OR5J2: variants seen among roughly 807,000 people sequenced by gnomAD.
OR5J2 encodes the protein olfactory receptor 5J2.
A neutral mutation model predicts 6.7 loss-of-function variants in OR5J2; 4 were observed. That is an observed-to-expected ratio of 0.60 (90% confidence interval 0.29 to 1.37). The LOEUF is 1.37. OR5J2 is among the 40% of genes most tolerant of loss of function. The pLI is 0.09. For synonymous variants in OR5J2, 174 were observed against 140.4 expected, an observed-to-expected ratio of 1.24 and a Z score of -1.69; for missense variants, 415 against 366.4, an observed-to-expected ratio of 1.13 and a Z score of -1.08.
chr11:56,176,686 A>G lies in OR5J2; in HGVS notation c.69A>G (p.Leu23=), dbSNP rs1229547753. 4 of 1,613,806 alleles carry G rather than the reference A, an allele frequency of 2.5e-6. No homozygotes were observed. In the Admixed American group the frequency reaches 5.0e-5, roughly 20 times the overall value. Residue 23 remains leucine, a synonymous_variant, in exon 1 of 1, where the codon CTA becomes CTG. Coordinates refer to ENST00000312298, the MANE Select transcript of OR5J2 (RefSeq NM_001005492.1). ...TGGGATTGACAGATCATGCTGAACT[A>G]AAAGCTGTGCTTTTTGTGGTGTTCC... ...ILLGLTDHAE[L]KAVLFVVFLV...
chr11:56,177,515 G>A lies in OR5J2; in HGVS notation c.898G>A (p.Ala300Thr). 15 of 1,607,032 alleles carry A rather than the reference G, an allele frequency of 9.3e-6. No homozygotes were observed. Among genetic ancestry groups the A allele is most frequent in the African/African-American group, 1.3e-5 (1 of 75,000 alleles). ...TTTGAGAAACAAGGACGTAAAGGAG[G>A]CAGTGAAAAGGGCCATAGAAATGAA... is the stretch of plus-strand genomic sequence containing the variant. ...HSLRNKDVKEAVKRAIEMKHF... is the reference protein window; with the variant it reads ...HSLRNKDVKETVKRAIEMKHF... The change falls in exon 1 of 1, where the codon GCA becomes ACA. Residue 300 changes from alanine to threonine, a missense_variant. Ala to Thr is a moderately conservative substitution (Grantham distance 58). Transcript: ENST00000312298.
Position 56,177,316 on chromosome 11 carries a change from C to A in OR5J2, c.699C>A (p.Gly233=). 1.2e-6 allele frequency: 2 copies of A among 1,613,944 alleles called. No individual in the cohort carries two copies. ...GCCTAAGGATCCACTCAGCATCAGG[C>A]AGACAGCAAGCCTTCTCCACCTGTG... The part of the protein sequence containing the change: ...FASLRIHSAS[G]RQQAFSTCAS... Residue 233 remains glycine, a synonymous_variant, in exon 1 of 1, where the codon GGC becomes GGA. Coordinates refer to ENST00000312298, the MANE Select transcript of OR5J2 (RefSeq NM_001005492.1).
rs1464694278 is a variant in OR5J2 at position 56,176,700 on chromosome 11, TTGTGG to T, written c.87_91del (p.Val30ProfsTer90). ...CATGCTGAACTAAAAGCTGTGCTTT[TTGTGG>T]TGTTCCTGGTGATTTACGCCATTAC... On this transcript the variant is annotated frameshift_variant, in exon 1 of 1. Coordinates refer to ENST00000312298, the MANE Select transcript of OR5J2 (RefSeq NM_001005492.1). LOFTEE classifies it low-confidence loss of function (END_TRUNC). 5.0e-6 allele frequency: 8 copies of T among 1,613,960 alleles called. No individual in the cohort carries two copies. The highest frequency in any genetic ancestry group is 1.7e-5 in the Admixed American group (1 of 59,980).
Position 56,177,393 on chromosome 11 carries a change from A to G in OR5J2, c.776A>G (p.Tyr259Cys). Residue 259 changes from tyrosine (Y) to cysteine (C), a missense_variant, in exon 1 of 1, where the codon TAC becomes TGC. Transcript: ENST00000312298. ...TIFYGTLIFS[Y>C]IQPSSQYFVE... The stretch of plus-strand genomic sequence containing the variant: ...TTCTATGGTACCTTAATCTTTAGCT[A>G]CATTCAGCCAAGCTCCCAGTATTTT... 1 of 1,614,096 alleles carries G rather than the reference A, an allele frequency of 6.2e-7. No homozygotes were observed. Among genetic ancestry groups the G allele is most frequent in the Non-Finnish European group, 8.5e-7 (1 of 1,179,986 alleles).
chr11:56,176,872 C>T lies in OR5J2; in HGVS notation c.255C>T (p.Leu85=), dbSNP rs866809600. ...TTGCACCCAAAATGCTGGTGAACCT[C>T]CTGGTTGTGAAGGCAACAATTTCTT... The part of the protein sequence containing the change: ...SAIAPKMLVN[L]LVVKATISFS... Residue 85 remains leucine (L), a synonymous_variant, in exon 1 of 1, where the codon CTC becomes CTT. Coordinates refer to ENST00000312298, the MANE Select transcript of OR5J2 (RefSeq NM_001005492.1). 29 of 1,613,998 alleles carry T rather than the reference C, an allele frequency of 1.8e-5. No individual in the cohort carries two copies. Among genetic ancestry groups the T allele is most frequent in the Non-Finnish European group, 2.4e-5 (28 of 1,180,016 alleles).
Position 56,176,872 on chromosome 11 carries a change from C to A in OR5J2, c.255C>A (p.Leu85=). ...TTGCACCCAAAATGCTGGTGAACCTCCTGGTTGTGAAGGCAACAATTTCTT... is the reference window on the plus strand; with the variant it reads ...TTGCACCCAAAATGCTGGTGAACCTACTGGTTGTGAAGGCAACAATTTCTT... The part of the protein sequence containing the change: ...SAIAPKMLVN[L]LVVKATISFS... The change falls in exon 1 of 1, where the codon CTC becomes CTA. Residue 85 remains leucine (L), a synonymous_variant. Transcript: ENST00000312298. 1 of 1,614,116 alleles carries A rather than the reference C, an allele frequency of 6.2e-7. No homozygotes were observed. The highest frequency in any genetic ancestry group is 1.6e-4 in the Middle Eastern group (1 of 6,062).
chr11:56,177,555 A>C lies in OR5J2; in HGVS notation c.938A>C (p.Ter313SerextTer?). 6.4e-7 allele frequency: 1 copy of C among 1,567,348 alleles called. No homozygotes were observed. Among genetic ancestry groups the C allele is most frequent in the Non-Finnish European group, 8.7e-7 (1 of 1,155,432 alleles). ...ATAGAAATGAAACATTTCCTCTGTT[A>C]ATTTCAAGTCACTATTAATCCTACA... is the stretch of plus-strand genomic sequence containing the variant. The part of the protein sequence containing the change: ...RAIEMKHFLC[*>S] Residue 313 changes from the stop codon to serine (S), a stop_lost, in exon 1 of 1, where the codon TAA becomes TCA. Transcript: ENST00000312298.
Position 56,177,239 on chromosome 11 carries a change from A to G in OR5J2, c.622A>G (p.Met208Val), listed in dbSNP as rs1188786557. The G allele has an allele frequency of 2.5e-6, 4 of 1,614,044 alleles. No individual in the cohort carries two copies. The South Asian group carries it at 4.4e-5, about 18-fold the overall frequency. Residue 208 changes from methionine (M) to valine (V), a missense_variant, in exon 1 of 1, where the codon ATG becomes GTG. By Grantham distance (21) the Met-to-Val change is conservative. Transcript: ENST00000312298. Reference sequence around the variant, plus strand: ...GTTAACCTTCTCCGGAGTCATTGCCATGGCCACCTTCTTGACTGTGATCAT... The same window carrying G: ...GTTAACCTTCTCCGGAGTCATTGCCGTGGCCACCTTCTTGACTGTGATCAT... ...LLLTFSGVIA[M>V]ATFLTVIISY...
chr11:56,176,716 GA>G lies in OR5J2; in HGVS notation c.100del (p.Ile34PhefsTer7), dbSNP rs769190118. 2.5e-4 allele frequency: 396 copies of G among 1,613,932 alleles called. 3 individuals are homozygous for G. The Admixed American group carries it at 6.5e-3, about 27-fold the overall frequency. ...KAVLFVVFLV[I>X]YAITLLRNLG... ...CTGTGCTTTTTGTGGTGTTCCTGGTGATTTACGCCATTACCTTGTTGAGGAA... is the reference window on the plus strand; with the variant it reads ...CTGTGCTTTTTGTGGTGTTCCTGGTGTTTACGCCATTACCTTGTTGAGGAA... On this transcript the variant is annotated frameshift_variant, in exon 1 of 1. Coordinates refer to ENST00000312298, the MANE Select transcript of OR5J2 (RefSeq NM_001005492.1). LOFTEE classifies it low-confidence loss of function (END_TRUNC).
In OR5J2 at chr11:56,176,914, A is replaced by C; in HGVS notation, c.297A>C (p.Val99=). ...CAATTTCTTTCTCTGCTTGCATGGT[A>C]CAGCATTTGTGTTTCGGAGTGTTCA... is the stretch of plus-strand genomic sequence containing the variant. ...KATISFSACM[V]QHLCFGVFIT... The change falls in exon 1 of 1, where the codon GTA becomes GTC. Residue 99 remains valine, a synonymous_variant. Transcript: ENST00000312298. The C allele has an allele frequency of 6.2e-7, 1 of 1,614,108 alleles. No individual in the cohort carries two copies. The highest frequency in any genetic ancestry group is 8.5e-7 in the Non-Finnish European group (1 of 1,180,008).
rs779578731 is a variant in OR5J2 at position 56,176,904 on chromosome 11, C to T, written c.287C>T (p.Ala96Val). ...GTGAAGGCAACAATTTCTTTCTCTG[C>T]TTGCATGGTACAGCATTTGTGTTTC... ...LVVKATISFS[A>V]CMVQHLCFGV... The change falls in exon 1 of 1, where the codon GCT becomes GTT. Residue 96 changes from alanine to valine, a missense_variant. Coordinates refer to ENST00000312298, the MANE Select transcript of OR5J2 (RefSeq NM_001005492.1). 4.3e-6 allele frequency: 7 copies of T among 1,614,114 alleles called. No homozygotes were observed. The highest frequency in any genetic ancestry group is 3.3e-5 in the Admixed American group (2 of 60,006).
At position 56,176,753 on chromosome 11, in the gene OR5J2, A is replaced by G; in HGVS notation, c.136A>G (p.Ile46Val). ...AITLLRNLGM[I>V]LLIQITSKLH... ...TACCTTGTTGAGGAATCTGGGCATG[A>G]TCCTCTTAATCCAAATCACCTCCAA... is the stretch of plus-strand genomic sequence containing the variant. Residue 46 changes from isoleucine to valine, a missense_variant, in exon 1 of 1, where the codon ATC (isoleucine) becomes GTC (valine). Transcript: ENST00000312298. 3 of 1,613,882 alleles carry G rather than the reference A, an allele frequency of 1.9e-6. No homozygotes were observed. Among genetic ancestry groups the G allele is most frequent in the Non-Finnish European group, 2.5e-6 (3 of 1,179,932 alleles).
In OR5J2 at chr11:56,177,140, A is replaced by C. The variant is rs1310617899; in HGVS notation, c.523A>C (p.Ser175Arg). ...RLSFCRLNAV[S>R]HFFCDIPSLL... ...GTCCTTTTGTAGGCTAAATGCTGTC[A>C]GCCACTTCTTCTGTGACATTCCTTC... The change falls in exon 1 of 1, where the codon AGC becomes CGC. Residue 175 changes from serine (S) to arginine (R), a missense_variant. Physicochemically the swap from Ser to Arg is moderately radical, Grantham distance 110 (BLOSUM62 -1). Coordinates refer to ENST00000312298, the MANE Select transcript of OR5J2 (RefSeq NM_001005492.1). 4 of 1,614,032 alleles carry C rather than the reference A, an allele frequency of 2.5e-6. No homozygotes were observed. The African/African-American group carries it at 4.0e-5, about 16-fold the overall frequency.
At position 56,177,208 on chromosome 11, in the gene OR5J2, G is replaced by C. The variant is rs373367045; in HGVS notation, c.591G>C (p.Leu197Phe). The change falls in exon 1 of 1, where the codon TTG becomes TTC. Residue 197 changes from leucine to phenylalanine, a missense_variant. Transcript: ENST00000312298. ...LSCSDTSMNE[L>F]LLLTFSGVIA... Reference sequence around the variant, plus strand: ...GTTCTGACACCTCCATGAATGAGTTGTTGCTGTTAACCTTCTCCGGAGTCA... The same window carrying C: ...GTTCTGACACCTCCATGAATGAGTTCTTGCTGTTAACCTTCTCCGGAGTCA... 1 of 1,613,858 alleles carries C rather than the reference G, an allele frequency of 6.2e-7. No homozygotes were observed. Among genetic ancestry groups the C allele is most frequent in the Admixed American group, 1.7e-5 (1 of 59,978 alleles).
chr11:56,177,506 G>T lies in OR5J2; in HGVS notation c.889G>T (p.Val297Leu). 1 of 1,609,502 alleles carries T rather than the reference G, an allele frequency of 6.2e-7. No individual in the cohort carries two copies. ...GATACACAGTTTGAGAAACAAGGAC[G>T]TAAAGGAGGCAGTGAAAAGGGCCAT... ...LLIHSLRNKDVKEAVKRAIEM... is the reference protein window; with the variant it reads ...LLIHSLRNKDLKEAVKRAIEM... Residue 297 changes from valine (V) to leucine (L), a missense_variant, in exon 1 of 1, where the codon GTA (valine) becomes TTA (leucine). Coordinates refer to ENST00000312298, the MANE Select transcript of OR5J2 (RefSeq NM_001005492.1).
Position 56,177,183 on chromosome 11 carries a change from G to A in OR5J2, c.566G>A (p.Cys189Tyr), listed in dbSNP as rs1369709977. 6.2e-7 allele frequency: 1 copy of A among 1,614,048 alleles called. No individual in the cohort carries two copies. Among genetic ancestry groups the A allele is most frequent in the Non-Finnish European group, 8.5e-7 (1 of 1,179,934 alleles). ...CDIPSLLKLS[C>Y]SDTSMNELLL... is the part of the protein sequence containing the mutation. ...ATTCCTTCACTGCTAAAGCTGTCATGTTCTGACACCTCCATGAATGAGTTG... is the reference window on the plus strand; with the variant it reads ...ATTCCTTCACTGCTAAAGCTGTCATATTCTGACACCTCCATGAATGAGTTG... Residue 189 changes from cysteine (C) to tyrosine (Y), a missense_variant, in exon 1 of 1, where the codon TGT becomes TAT. Transcript: ENST00000312298.
chr11:56,176,688 A>C lies in OR5J2; in HGVS notation c.71A>C (p.Lys24Thr), dbSNP rs751697778. ...LLGLTDHAEL[K>T]AVLFVVFLVI... is the part of the protein sequence containing the mutation. ...GGATTGACAGATCATGCTGAACTAA[A>C]AGCTGTGCTTTTTGTGGTGTTCCTG... The change falls in exon 1 of 1, where the codon AAA (lysine) becomes ACA (threonine). Residue 24 changes from lysine (K) to threonine (T), a missense_variant. Coordinates refer to ENST00000312298, the MANE Select transcript of OR5J2 (RefSeq NM_001005492.1). The C allele has an allele frequency of 7.4e-6, 12 of 1,613,878 alleles. No homozygotes were observed. The highest frequency in any genetic ancestry group is 1.0e-5 in the Non-Finnish European group (12 of 1,179,926).
rs138209213 is a variant in OR5J2 at position 56,176,757 on chromosome 11, T to C, written c.140T>C (p.Leu47Pro). 998 of 1,614,100 alleles carry C rather than the reference T, an allele frequency of 6.2e-4. 9 individuals are homozygous for C. The African/African-American group carries it at 0.012, about 19-fold the overall frequency. ...TTGTTGAGGAATCTGGGCATGATCCTCTTAATCCAAATCACCTCCAAACTC... is the reference window on the plus strand; with the variant it reads ...TTGTTGAGGAATCTGGGCATGATCCCCTTAATCCAAATCACCTCCAAACTC... ...ITLLRNLGMI[L>P]LIQITSKLHT... The change falls in exon 1 of 1, where the codon CTC becomes CCC. Residue 47 changes from leucine to proline, a missense_variant. Physicochemically the swap from Leu to Pro is moderately conservative, Grantham distance 98. Transcript: ENST00000312298.
In OR5J2 at chr11:56,176,981, C is replaced by T. The variant is rs142469225; in HGVS notation, c.364C>T (p.Arg122Cys). ...GFLLSVMAYD[R>C]YVAIVSPLLY... is the part of the protein sequence containing the mutation. The stretch of plus-strand genomic sequence containing the variant: ...CTTACTGTCAGTGATGGCCTATGAC[C>T]GCTATGTGGCCATTGTGAGTCCCTT... Residue 122 changes from arginine to cysteine, a missense_variant, in exon 1 of 1, where the codon CGC (arginine) becomes TGC (cysteine). Coordinates refer to ENST00000312298, the MANE Select transcript of OR5J2 (RefSeq NM_001005492.1). 3.1e-5 allele frequency: 50 copies of T among 1,613,828 alleles called. No homozygotes were observed. Among genetic ancestry groups the T allele is most frequent in the African/African-American group, 3.1e-4 (23 of 74,860 alleles).
Sources: allele counts gnomAD v4.1 joint callset, GRCh38; gene constraint gnomAD v4.1.1; transcripts MANE v1.5; gene names NCBI Gene and HGNC (gene_info 2026-07-23, HGNC 2026-07-21).